The following SPATA13 variants were observed in gnomAD, a reference collection of about 807,000 sequenced individuals.
The protein encoded by SPATA13 is spermatogenesis associated 13.
Under a neutral mutation model 104.0 loss-of-function variants are expected in SPATA13, and 50 were observed. That is an observed-to-expected ratio of 0.48 (90% CI 0.38 to 0.61). The LOEUF (loss-of-function observed/expected upper bound fraction) is 0.61. Ranked by LOEUF, SPATA13 falls within the 20% of genes least tolerant of loss-of-function variation. The probability of loss-of-function intolerance (pLI) is 0.00; values close to 1 mark genes in which losing one functional copy is unlikely to be tolerated. For missense variants in SPATA13, 1,524 were observed against 1,690.6 expected (o/e 0.90, Z 1.73); for synonymous variants, 606 against 667.5 (o/e 0.91, Z 1.42).
intron 1 of SPATA13, among the ~76,000 whole-genome samples, chr13:24,182,298 T>C (rs1026855887): frequency 3.9e-5 from 6 of 152,146 alleles, no homozygotes; most frequent in Non-Finnish European, 7.3e-5. Context: ...GTCTTTTTTG[T>C]TTTGCTATAA....
chr13:23,983,902 G>A, exon 2 of SPATA13: 1 of 985,502 alleles, frequency 1.0e-6, no homozygotes, highest in Non-Finnish European at 1.2e-6. Flanking sequence ...AGATGGCAAA[G>A]CGTAGGCCTC....
intron 1 of SPATA13, among the ~76,000 whole-genome samples, chr13:24,165,198 G>A (rs761833607): frequency 6.6e-6 from 1 of 152,242 alleles, no homozygotes; most frequent in South Asian, 2.1e-4. Context: ...TCCCTGAAGC[G>A]GGACTGCCCT....
chr13:24,134,156 G>C (rs963701805), intron 3 of SPATA13, among the ~76,000 whole-genome samples: 1 of 152,220 alleles, frequency 6.6e-6, no homozygotes, highest in African/African-American at 2.4e-5. Flanking sequence ...TGCAAAAGCT[G>C]TGTCCTTGGC....
intron 3 of SPATA13, among the ~76,000 whole-genome samples, chr13:24,087,910 A>G (rs1879786964): frequency 2.0e-5 from 3 of 152,144 alleles, no homozygotes; most frequent in South Asian, 2.1e-4. Context: ...AGTCTTGCCC[A>G]TTGCTCACTG....
At position 24,188,233 on chromosome 13, in the gene SPATA13, C is replaced by A. The variant is rs548205519; in HGVS notation, c.-112+27301C>A. Among the ~76,000 whole-genome samples the A allele has an allele frequency of 2.2e-4, 33 of 151,834 alleles. 1 individual carries two copies. Among genetic ancestry groups the A allele is most frequent in the Non-Finnish European group, 4.1e-4 (28 of 67,990 alleles). The stretch of plus-strand genomic sequence containing the variant: ...ACATGCACCTGTAGTCCCAGCTACT[C>A]GGGAGGCTGAGGCAGGAGAATCAGT... On this transcript the variant is annotated intron_variant, in intron 1 of 12. Transcript: ENST00000382108.
chr13:24,189,079 C>T (rs901249609), intron 1 of SPATA13, among the ~76,000 whole-genome samples: 4 of 152,134 alleles, frequency 2.6e-5, no homozygotes, highest in African/African-American at 7.2e-5. Flanking sequence ...TGGAGAAGTA[C>T]AACGAGATGA....
Position 24,020,995 on chromosome 13 carries a change from C to T in SPATA13, c.-112+3294C>T, listed in dbSNP as rs140468643. 2.6e-5 allele frequency among the ~76,000 whole-genome samples: 4 copies of T among 152,186 alleles called. No individual in the cohort carries two copies. The South Asian group carries it at 6.2e-4, about 24-fold the overall frequency. On this transcript the variant is annotated intron_variant, in intron 3 of 14. Transcript: ENST00000424834. The stretch of plus-strand genomic sequence containing the variant: ...GGCGGTGGTTGCACAGGGCCTAGAT[C>T]GAGACACTGCACTCCAGCCTGTGTG...
rs150655520 is a variant in SPATA13, at chr13:24,178,549, C to T, written c.-112+17617C>T. The stretch of plus-strand genomic sequence containing the variant: ...ATAAGTACCCTAATAAATGAGCTTA[C>T]TCTGTGCCATGCATTGCTAGGAAGG... On this transcript the variant is annotated intron_variant, in intron 1 of 12. Transcript: ENST00000382108. Among the ~76,000 whole-genome samples the T allele has an allele frequency of 6.6e-5, 10 of 152,220 alleles. No individual in the cohort carries two copies. The East Asian group carries it at 1.9e-3, about 29-fold the overall frequency.
chr13:24,049,607 A>G (rs1270747714), intron 3 of SPATA13, among the ~76,000 whole-genome samples: 1 of 152,192 alleles, frequency 6.6e-6, no homozygotes, highest in African/African-American at 2.4e-5. Context: ...TAAGCAGTAC[A>G]TGCAATATCT....
intron 3 of SPATA13, among the ~76,000 whole-genome samples, chr13:24,144,611 G>A (rs6490875): frequency 0.67 from 101,688 of 151,940 alleles, 34,813 homozygotes; most frequent in Non-Finnish European, 0.74. Context: ...GGTGCCTGCA[G>A]GTTGCTGCCA....
chr13:24,058,965 T>TTTTTTG (rs1349986659), intron 3 of SPATA13, among the ~76,000 whole-genome samples: 2 of 149,688 alleles, frequency 1.3e-5, no homozygotes, highest in Non-Finnish European at 3.0e-5. Flanking sequence ...TGTGTATTGT[T>TTTTTTG]TTTTGTTTTG....
chr13:24,241,877 C>A (rs1285142921), intron 2 of SPATA13, among the ~76,000 whole-genome samples: 1 of 151,102 alleles, frequency 6.6e-6, no homozygotes, highest in Non-Finnish European at 1.5e-5. Context: ...CATAGTGAGA[C>A]CCCTATCTCT....
rs947446010 is a variant in SPATA13, at chr13:24,303,454, C to G, written c.*681C>G. On this transcript the variant is annotated 3_prime_UTR_variant, in exon 13 of 13. Coordinates refer to ENST00000382108, the MANE Select transcript of SPATA13 (RefSeq NM_001166271.3). ...CTTCATCAGGGTCCTCAGTGCAGAG[C>G]AACTTACGCATCCTCAAGAATCCAC... 5 of 168,096 alleles carry G rather than the reference C, an allele frequency of 3.0e-5. No individual in the cohort carries two copies. The highest frequency in any genetic ancestry group is 6.4e-5 in the Admixed American group (1 of 15,714). 10.4% of individuals were successfully genotyped at this position (168,096 alleles called of 1,614,324 possible).
rs921481685 is a variant in SPATA13, at chr13:24,304,689, T to G, written c.*1916T>G. The G allele has an allele frequency of 6.6e-6, 1 of 152,202 alleles. No homozygotes were observed. Among genetic ancestry groups the G allele is most frequent in the Non-Finnish European group, 1.5e-5 (1 of 68,046 alleles). 9.4% of individuals were successfully genotyped at this position (152,202 alleles called of 1,614,324 possible). On this transcript the variant is annotated 3_prime_UTR_variant, in exon 13 of 13. Transcript: ENST00000382108. ...CGCCTGATGTCCATTCTGAGCCACC[T>G]TGGCACACATGCTTACAGGCAGCAC...
intron 1 of SPATA13, among the ~76,000 whole-genome samples, chr13:24,172,709 T>G (rs1883028661): frequency 6.6e-6 from 1 of 152,266 alleles, no homozygotes; most frequent in African/African-American, 2.4e-5. Context: ...GTTCTTTTGA[T>G]CTATATGTCT....
chr13:24,058,956 G>A (rs1878671444), intron 3 of SPATA13, among the ~76,000 whole-genome samples: 1 of 111,970 alleles, frequency 8.9e-6, no homozygotes. Flanking sequence ...GCCATGGTCT[G>A]TGTATTGTTT....
Position 24,215,299 on chromosome 13 carries a change from G to T in SPATA13, c.-111-7520G>T, listed in dbSNP as rs1038715139. Among the ~76,000 whole-genome samples the T allele has an allele frequency of 2.6e-5, 4 of 152,208 alleles. No individual in the cohort carries two copies. The East Asian group carries it at 7.7e-4, about 29-fold the overall frequency. On this transcript the variant is annotated intron_variant, in intron 1 of 12. Coordinates refer to ENST00000382108, the MANE Select transcript of SPATA13 (RefSeq NM_001166271.3). Reference sequence around the variant, plus strand: ...TATGCAAATCTCAGTTCAATTAGAAGACAGTTTAAATTAGAAGCAGAAGGC... The same window carrying T: ...TATGCAAATCTCAGTTCAATTAGAATACAGTTTAAATTAGAAGCAGAAGGC...
intron 3 of SPATA13, among the ~76,000 whole-genome samples, chr13:24,149,974 G>A (rs1593361678): frequency 6.6e-6 from 1 of 152,110 alleles, no homozygotes; most frequent in East Asian, 1.9e-4. Context: ...GTGCCACAGG[G>A]TGGCTGTGGG....
chr13:24,263,582 A>T lies in SPATA13; in HGVS notation c.2164+11720A>T, dbSNP rs188503816. On this transcript the variant is annotated intron_variant, in intron 4 of 12. Transcript: ENST00000382108. ...CCATGCCCATCCTCCATATACTTTAAATCACCTCTAGATTACTTAAAGACC... is the reference window on the plus strand; with the variant it reads ...CCATGCCCATCCTCCATATACTTTATATCACCTCTAGATTACTTAAAGACC... 1.1e-3 allele frequency among the ~76,000 whole-genome samples: 165 copies of T among 152,356 alleles called. 1 individual carries two copies. Among genetic ancestry groups the T allele is most frequent in the African/African-American group, 3.9e-3 (162 of 41,588 alleles).
Sources: allele counts gnomAD v4.1 joint callset (sites outside exome capture counted in the v4.1 genomes callset), GRCh38; gene constraint gnomAD v4.1.1; transcripts MANE v1.5; gene names NCBI Gene and HGNC (gene_info 2026-07-23, HGNC 2026-07-21).